The following EYS variants were observed in gnomAD, a reference collection of about 807,000 sequenced individuals.
EYS encodes protein eyes shut homolog.
Under a neutral mutation model 282.1 loss-of-function variants are expected in EYS, and 250 were observed. The observed-to-expected ratio is 0.89, with a 90% CI of 0.80 to 0.98. The LOEUF is 0.98. EYS is among the 50% of genes least tolerant of loss of function. The probability of loss-of-function intolerance (pLI) is 0.00; values close to 1 mark genes in which losing one functional copy is unlikely to be tolerated. For synonymous variants in EYS, 1,355 were observed against 1,282.9 expected (o/e 1.06, Z -1.20); for missense variants, 4,016 against 3,709.0 (o/e 1.08, Z -2.15).
intron 19 of EYS, among the ~76,000 whole-genome samples, chr6:64,835,281 G>C (rs1378258965): frequency 6.6e-6 from 1 of 151,626 alleles, no homozygotes; most frequent in Non-Finnish European, 1.5e-5. Flanking sequence ...TATTAATTTG[G>C]GGTTGAGCAG....
rs990868970 is a variant in EYS, at chr6:65,443,178, A to G, written c.863-37811T>C. Among the ~76,000 whole-genome samples, 3 of 151,892 alleles carry G rather than the reference A, an allele frequency of 2.0e-5. 1 individual carries two copies. Among genetic ancestry groups the G allele is most frequent in the Non-Finnish European group, 4.4e-5 (3 of 67,868 alleles). On this transcript the variant is annotated intron_variant, in intron 5 of 42. Transcript: ENST00000503581. Reference sequence around the variant, plus strand: ...TACACATATATGAGCACATATGTGCACATCATATACATATGTGCGCACATA... The same window carrying G: ...TACACATATATGAGCACATATGTGCGCATCATATACATATGTGCGCACATA...
chr6:65,204,795 A>AATATATTCTGGAAGAACATATTT (rs1562021041), intron 12 of EYS, among the ~76,000 whole-genome samples: 14 of 143,498 alleles, frequency 9.8e-5, no homozygotes, highest in African/African-American at 3.4e-4. Flanking sequence ...ATTCCAGAAT[A>AATATATTCTGGAAGAACATATTT]ATATATTCTG....
At chr6:64,416,838 T>C (rs1774072493) in intron 28 of EYS, among the ~76,000 whole-genome samples, 1 of 152,166 alleles carries the variant, frequency 6.6e-6, no homozygotes, top group Non-Finnish European at 1.5e-5. Flanking sequence ...CAAAAAATTA[T>C]CAATGTTGAT....
intron 35 of EYS, among the ~76,000 whole-genome samples, chr6:63,876,703 T>G (rs1772982077): frequency 6.6e-6 from 1 of 152,244 alleles, no homozygotes; most frequent in South Asian, 2.1e-4. Context: ...GTTGAATTGA[T>G]CCCTTTAACA....
chr6:64,139,485 C>T (rs1774268588), intron 31 of EYS, among the ~76,000 whole-genome samples: 1 of 151,918 alleles, frequency 6.6e-6, no homozygotes, highest in African/African-American at 2.4e-5. Context: ...ATATGAAAGA[C>T]ATAGGTAGTA....
In EYS at chr6:65,551,049, C is replaced by A. The variant is rs1445013004; in HGVS notation, c.-332-55056G>T. Among the ~76,000 whole-genome samples, 2 of 57,166 alleles carry A rather than the reference C, an allele frequency of 3.5e-5. 1 individual carries two copies. The highest frequency in any genetic ancestry group is 5.6e-5 in the Non-Finnish European group (2 of 35,986). The allele number at this position is 57,166 out of a possible 152,430, so 37.5% of individuals were successfully genotyped here. A position where few individuals can be genotyped will look rare whatever the true frequency, so the allele number is the denominator to read the frequency against. On this transcript the variant is annotated intron_variant, in intron 2 of 42. Coordinates refer to ENST00000503581, the MANE Select transcript of EYS (RefSeq NM_001142800.2). ...TGCCATTCTAACTGGTGTGAGATGA[C>A]AAATCATGGGTGAACTCCCATTCAC...
intron 1 of EYS, among the ~76,000 whole-genome samples, chr6:65,664,844 G>T (rs1229673718): frequency 6.6e-6 from 1 of 152,080 alleles, no homozygotes; most frequent in Non-Finnish European, 1.5e-5. Context: ...ATATTTACTA[G>T]GCAAAATATT....
At chr6:64,236,332 T>C (rs1766606148) in intron 30 of EYS, among the ~76,000 whole-genome samples, 1 of 152,224 alleles carries the variant, frequency 6.6e-6, no homozygotes, top group African/African-American at 2.4e-5. Flanking sequence ...TATTCATTAG[T>C]TGAAAGATGT....
chr6:65,640,967 A>C (rs147894570), intron 1 of EYS, among the ~76,000 whole-genome samples: 1 of 152,100 alleles, frequency 6.6e-6, no homozygotes, highest in African/African-American at 2.4e-5. Flanking sequence ...CTGTTGAAAT[A>C]ATGTTACATT....
At chr6:64,440,168 T>G (rs1387523710) in intron 26 of EYS, among the ~76,000 whole-genome samples, 2 of 151,942 alleles carry the variant, frequency 1.3e-5, no homozygotes, top group Non-Finnish European at 1.5e-5. Context: ...TATTTATAAC[T>G]ACTAGAAAAT....
At chr6:64,992,537 A>G (rs1771099341) in intron 14 of EYS, among the ~76,000 whole-genome samples, 1 of 151,998 alleles carries the variant, frequency 6.6e-6, no homozygotes, top group Non-Finnish European at 1.5e-5. Flanking sequence ...GCTATATATA[A>G]GAGCTAAGAT....
rs772707303 is a variant in EYS at position 65,494,779 on chromosome 6, C to A, written c.632G>T (p.Cys211Phe). 97 of 1,613,942 alleles carry A rather than the reference C, an allele frequency of 6.0e-5. 1 individual carries two copies. In the Admixed American group the frequency reaches 1.4e-3, roughly 22 times the overall value. The change falls in exon 4 of 43, where the codon TGC (cysteine) becomes TTC (phenylalanine). Residue 211 changes from cysteine to phenylalanine, a missense_variant. Physicochemically the swap from Cys to Phe is radical, Grantham distance 205. Transcript: ENST00000503581. ...HCQPPFSGKY[C>F]QELDACSFKP... ...AAAAGAACATGCATCAAGTTCCTGG[C>A]AGTATTTTCCAGAAAATGGAGGCTG...
At chr6:64,671,034 A>C (rs756541144) in intron 22 of EYS, among the ~76,000 whole-genome samples, 3 of 152,188 alleles carry the variant, frequency 2.0e-5, no homozygotes, top group Non-Finnish European at 4.4e-5. Context: ...CACAGGAAGA[A>C]AGTACTTTAT....
chr6:65,128,576 T>A (rs1167803317), intron 12 of EYS, among the ~76,000 whole-genome samples: 1 of 151,916 alleles, frequency 6.6e-6, no homozygotes, highest in Non-Finnish European at 1.5e-5. Flanking sequence ...CTATTTACAT[T>A]AGCTAAAAAG....
At chr6:65,405,916 T>A (rs1766716569) in intron 5 of EYS, among the ~76,000 whole-genome samples, 1 of 152,092 alleles carries the variant, frequency 6.6e-6, no homozygotes, top group Non-Finnish European at 1.5e-5. Flanking sequence ...GCTTTTTTTA[T>A]ATTTCTTGAA....
chr6:65,592,797 G>T (rs1246135337), intron 2 of EYS, among the ~76,000 whole-genome samples: 2 of 151,844 alleles, frequency 1.3e-5, no homozygotes, highest in South Asian at 2.1e-4. Flanking sequence ...AAGAATGGTT[G>T]GTTTTATTAA....
chr6:65,672,834 T>C (rs771112469), intron 1 of EYS, among the ~76,000 whole-genome samples: 9 of 152,044 alleles, frequency 5.9e-5, no homozygotes, highest in Non-Finnish European at 1.3e-4. Flanking sequence ...TTTAATCACC[T>C]GGGTGCAGGC....
At chr6:64,452,528 C>G (rs1438645480) in intron 26 of EYS, among the ~76,000 whole-genome samples, 3 of 151,932 alleles carry the variant, frequency 2.0e-5, no homozygotes, top group African/African-American at 4.8e-5. Context: ...CATATGGAAC[C>G]AAAAAAGAGC....
chr6:64,717,171 C>T (rs1239473105), intron 22 of EYS, among the ~76,000 whole-genome samples: 1 of 152,072 alleles, frequency 6.6e-6, no homozygotes, highest in Non-Finnish European at 1.5e-5. Context: ...AATGAGTGGA[C>T]CACATGTGGA....
Sources: gnomAD v4.1 joint callset for allele counts (sites outside exome capture counted in the v4.1 genomes callset) on GRCh38, gnomAD v4.1.1 for gene constraint, MANE v1.5 for transcripts, NCBI Gene and HGNC (gene_info 2026-07-23, HGNC 2026-07-21) for gene names.